Variants in VPS53 observed in about 807,000 individuals in gnomAD.
VPS53 encodes the protein VPS53 subunit of GARP complex, also known as vacuolar protein sorting-associated protein 53 homolog.
Under a neutral mutation model 107.0 loss-of-function variants are expected in VPS53, and 70 were observed. The observed-to-expected ratio is 0.65, with a 90% CI of 0.54 to 0.80. The LOEUF is 0.80. VPS53 is among the 30% of genes least tolerant of loss of function. The probability of loss-of-function intolerance (pLI) is 0.00; values close to 1 mark genes in which losing one functional copy is unlikely to be tolerated. For synonymous variants in VPS53, 409 were observed against 393.3 expected (o/e 1.04, Z -0.47); for missense variants, 917 against 1,049.4 (o/e 0.87, Z 1.74).
At chr17:629,163 C>T (rs180732332) in intron 8 of VPS53, among the ~76,000 whole-genome samples, 1 of 152,290 alleles carries the variant, frequency 6.6e-6, no homozygotes, top group Non-Finnish European at 1.5e-5. Context: ...TGAAGTTCCA[C>T]GCTTCTAAAG....
At chr17:604,464 G>C (rs796181100) in intron 11 of VPS53, among the ~76,000 whole-genome samples, 3 of 152,156 alleles carry the variant, frequency 2.0e-5, no homozygotes, top group Non-Finnish European at 4.4e-5. Context: ...CGAACCTAAC[G>C]GGCAGCCCTG....
At chr17:589,426 GAAAT>G (rs1440432224) in intron 12 of VPS53, among the ~76,000 whole-genome samples, 2 of 151,602 alleles carry the variant, frequency 1.3e-5, no homozygotes, top group Non-Finnish European at 2.9e-5. Context: ...TTTTTCTTAA[GAAAT>G]ATATACTAAA....
chr17:656,047 G>A, intron 5 of VPS53, 94 bp from the exon 6 acceptor site: 1 of 891,596 alleles, frequency 1.1e-6, no homozygotes, highest in Admixed American at 2.8e-5. Context: ...GAATGCAGAT[G>A]AAGCAGGGAA....
chr17:590,790 T>C (rs1468013534), intron 12 of VPS53, among the ~76,000 whole-genome samples: 3 of 145,710 alleles, frequency 2.1e-5, no homozygotes, highest in African/African-American at 7.4e-5. Flanking sequence ...CAGTATTTTA[T>C]TGAGGATTTT....
At chr17:698,906 C>T (rs1032670124) in intron 3 of VPS53, among the ~76,000 whole-genome samples, 1 of 151,740 alleles carries the variant, frequency 6.6e-6, no homozygotes, top group African/African-American at 2.4e-5. Flanking sequence ...GGTGGCTCAC[C>T]CCTGTCATCC....
chr17:629,179 T>C (rs538897856), intron 8 of VPS53, among the ~76,000 whole-genome samples: 8 of 152,334 alleles, frequency 5.3e-5, no homozygotes, highest in Admixed American at 1.3e-4. Flanking sequence ...TAAAGTGTTA[T>C]ATAAGCTGCC....
intron 6 of VPS53, 60 bp downstream of exon 6, chr17:655,778 C>T (rs1971163962): frequency 2.7e-6 from 4 of 1,480,836 alleles, no homozygotes; most frequent in African/African-American, 2.8e-5. Flanking sequence ...GGCGACAACA[C>T]CATTTTCTCT....
intron 13 of VPS53, among the ~76,000 whole-genome samples, chr17:568,235 T>C (rs1377742697): frequency 6.6e-6 from 1 of 152,042 alleles, no homozygotes; most frequent in African/African-American, 2.4e-5. Flanking sequence ...CCCCATTAAG[T>C]TAGATAACTT....
At chr17:693,277 A>T (rs116478518) in intron 4 of VPS53, among the ~76,000 whole-genome samples, 1,654 of 152,282 alleles carry the variant, frequency 0.011, 31 homozygotes, top group African/African-American at 0.038. Context: ...ATTTTCAGTT[A>T]TTGTGGTGAA....
intron 4 of VPS53, among the ~76,000 whole-genome samples, chr17:694,507 T>G (rs1215913600): frequency 6.6e-6 from 1 of 152,164 alleles, no homozygotes; most frequent in Non-Finnish European, 1.5e-5. Flanking sequence ...ATTTTAAACA[T>G]CTATGACTCC....
chr17:568,323 C>T (rs1913730983), intron 13 of VPS53, among the ~76,000 whole-genome samples: 1 of 152,100 alleles, frequency 6.6e-6, no homozygotes, highest in African/African-American at 2.4e-5. Flanking sequence ...CTTACTGCAA[C>T]TTCTGCCTCC....
rs778921852 is a variant in VPS53 at position 714,593 on chromosome 17, G to C, written c.87+30C>G. 1.4e-5 allele frequency: 22 copies of C among 1,585,618 alleles called. No homozygotes were observed. In the South Asian group the frequency reaches 2.2e-4, roughly 16 times the overall value. On this transcript the variant is annotated intron_variant, in intron 1 of 21. Coordinates refer to ENST00000437048, the MANE Select transcript of VPS53 (RefSeq NM_001128159.3). The stretch of plus-strand genomic sequence containing the variant: ...CTGCCGTCTCCCCTCCCGCACTCCC[G>C]TTTCCCCTCCTGAGGGGCGGAACGC...
chr17:597,732 C>T (rs1253528906), intron 12 of VPS53, among the ~76,000 whole-genome samples: 2 of 151,974 alleles, frequency 1.3e-5, no homozygotes, highest in African/African-American at 4.8e-5. Context: ...AGTATGGTTT[C>T]ACCATGTTGT....
At chr17:653,707 T>A (rs1971055473) in intron 6 of VPS53, among the ~76,000 whole-genome samples, 1 of 152,204 alleles carries the variant, frequency 6.6e-6, no homozygotes, top group Non-Finnish European at 1.5e-5. Flanking sequence ...AGGAAGAATG[T>A]GTGAGTGATG....
chr17:546,870 C>T (rs554835032), intron 17 of VPS53, among the ~76,000 whole-genome samples: 104 of 83,324 alleles, frequency 1.2e-3, no homozygotes, highest in Middle Eastern at 0.013. Context: ...CCCTTAGATC[C>T]TTTTTTTTTT....
intron 1 of VPS53, among the ~76,000 whole-genome samples, chr17:712,084 G>A (rs1041567943): frequency 6.6e-6 from 1 of 151,474 alleles, no homozygotes; most frequent in Non-Finnish European, 1.5e-5. Context: ...CCAAAGTGCT[G>A]GGATTACAGG....
chr17:642,775 A>G (rs1597423566), intron 7 of VPS53, among the ~76,000 whole-genome samples: 1 of 151,356 alleles, frequency 6.6e-6, no homozygotes, highest in African/African-American at 2.4e-5. Context: ...AGCGAGGACA[A>G]CACTCATACT....
chr17:596,920 TGAG>T (rs559142777), intron 12 of VPS53, among the ~76,000 whole-genome samples: 2 of 152,210 alleles, frequency 1.3e-5, no homozygotes, highest in Non-Finnish European at 2.9e-5. Flanking sequence ...GTTGTCACAG[TGAG>T]GAGGTCTGCA....
intron 13 of VPS53, among the ~76,000 whole-genome samples, chr17:580,429 G>T (rs1309138231): frequency 1.0e-4 from 10 of 97,892 alleles, no homozygotes; most frequent in Middle Eastern, 0.012. Flanking sequence ...CAGGACCTAA[G>T]GTGTTCCCAG....
Sources: allele counts gnomAD v4.1 joint callset (sites outside exome capture counted in the v4.1 genomes callset), GRCh38; gene constraint gnomAD v4.1.1; transcripts MANE v1.5; gene names NCBI Gene and HGNC (gene_info 2026-07-23, HGNC 2026-07-21).